FOXO3: variants seen among roughly 807,000 people sequenced by gnomAD.
FOXO3 encodes the protein forkhead box protein O3.
A neutral mutation model predicts 41.9 loss-of-function variants in FOXO3; 4 were observed. That is an observed-to-expected ratio of 0.10 (90% CI 0.05 to 0.22). The LOEUF (loss-of-function observed/expected upper bound fraction) is 0.22. Among genes scored for constraint, FOXO3 ranks in the 10% least tolerant of loss-of-function variants. FOXO3 has a pLI of 1.00. For missense variants in FOXO3, 534 were observed against 906.8 expected, an observed-to-expected ratio of 0.59 and a Z score of 5.28; for synonymous variants, 318 against 389.3, an observed-to-expected ratio of 0.82 and a Z score of 2.16.
rs185815807 is a variant in FOXO3, at chr6:108,593,974, C to T, written c.621+32145C>T. ...CCTCAGGTGATCTACCCGCCTCGGC[C>T]TCCCAAAGTCCTGGAATTACAGGTG... is the stretch of plus-strand genomic sequence containing the variant. On this transcript the variant is annotated intron_variant, in intron 1 of 2. Coordinates refer to ENST00000406360, the MANE Select transcript of FOXO3 (RefSeq NM_001455.4). 3.5e-3 allele frequency among the ~76,000 whole-genome samples: 537 copies of T among 152,174 alleles called. 2 individuals carry two copies. Among genetic ancestry groups the T allele is most frequent in the Non-Finnish European group, 5.9e-3 (401 of 68,014 alleles).
At chr6:108,614,812 A>G (rs1404051926) in intron 1 of FOXO3, among the ~76,000 whole-genome samples, 5 of 150,330 alleles carry the variant, frequency 3.3e-5, no homozygotes, top group Non-Finnish European at 5.9e-5. Context: ...TTAGTTTTCT[A>G]TTTGTCCCAT....
intron 1 of FOXO3, among the ~76,000 whole-genome samples, chr6:108,650,629 A>AT (rs965120071): frequency 6.6e-6 from 1 of 152,152 alleles, no homozygotes; most frequent in African/African-American, 2.4e-5. Flanking sequence ...AAAAACTATG[A>AT]TTTTATCTCA....
chr6:108,677,680 T>C (rs1469812678), intron 2 of FOXO3, among the ~76,000 whole-genome samples: 3 of 152,126 alleles, frequency 2.0e-5, no homozygotes, highest in African/African-American at 7.2e-5. Context: ...TGGATGGTGG[T>C]TTATTAAGTG....
intron 1 of FOXO3, among the ~76,000 whole-genome samples, chr6:108,643,236 A>G (rs1227812592): frequency 6.6e-6 from 1 of 152,166 alleles, no homozygotes; most frequent in South Asian, 2.1e-4. Context: ...TCATTCTTGT[A>G]ATTTTACTGT....
At chr6:108,641,464 G>A (rs1778255826) in intron 1 of FOXO3, among the ~76,000 whole-genome samples, 1 of 151,982 alleles carries the variant, frequency 6.6e-6, no homozygotes, top group African/African-American at 2.4e-5. Context: ...GAAAACCACT[G>A]GGTCAGATAA....
chr6:108,642,237 C>T (rs899305780), intron 1 of FOXO3, among the ~76,000 whole-genome samples: 1 of 151,946 alleles, frequency 6.6e-6, no homozygotes, highest in Non-Finnish European at 1.5e-5. Flanking sequence ...TATAGGCACG[C>T]ATTATCATGC....
intron 1 of FOXO3, among the ~76,000 whole-genome samples, chr6:108,575,348 T>G (rs1776233258): frequency 6.6e-6 from 1 of 151,006 alleles, no homozygotes; most frequent in Admixed American, 6.6e-5. Context: ...CCTTCCCCCC[T>G]TTTCTTCCTA....
rs542975041 is a variant in FOXO3 at position 108,594,925 on chromosome 6, T to C, written c.621+33096T>C. Among the ~76,000 whole-genome samples, 73 of 152,230 alleles carry C rather than the reference T, an allele frequency of 4.8e-4. 1 individual carries two copies. The highest frequency in any genetic ancestry group is 7.3e-4 in the Non-Finnish European group (50 of 68,032). On this transcript the variant is annotated intron_variant, in intron 1 of 2. Transcript: ENST00000406360. ...AGCTCTCCCTTCCTTTATGTGCTTA[T>C]GCAACCTTTTCAGCACGTTGGTACC...
Position 108,618,174 on chromosome 6 carries a change from G to T in FOXO3, c.622-45281G>T, listed in dbSNP as rs1193923547. On this transcript the variant is annotated intron_variant, in intron 1 of 2. Coordinates refer to ENST00000406360, the MANE Select transcript of FOXO3 (RefSeq NM_001455.4). ...TAGGCTTTCATTAGTTTACTAAGTGGTGTATGCCTCTTAATCTTAAACTGC... is the reference window on the plus strand; with the variant it reads ...TAGGCTTTCATTAGTTTACTAAGTGTTGTATGCCTCTTAATCTTAAACTGC... The T allele has an allele frequency of 2.7e-5, 27 of 999,100 alleles. No individual in the cohort carries two copies. The South Asian group carries it at 3.2e-4, about 12-fold the overall frequency. The allele number at this position is 999,100 out of a possible 1,614,324, so 61.9% of individuals were successfully genotyped here. A position where few individuals can be genotyped will look rare whatever the true frequency, so the allele number is the denominator to read the frequency against.
chr6:108,637,739 C>G (rs149088034), intron 1 of FOXO3, among the ~76,000 whole-genome samples: 40 of 152,138 alleles, frequency 2.6e-4, no homozygotes, highest in Non-Finnish European at 5.9e-5. Context: ...CCCTTTTGGT[C>G]TCTTCTCTAG....
At position 108,655,689 on chromosome 6, in the gene FOXO3, C is replaced by G. The variant is rs568548732; in HGVS notation, c.622-7766C>G. Reference sequence around the variant, plus strand: ...TTGAGGGCCTCTTCCAGAGAATTGCCTTTGAAAGATCCTGTCATTATACAC... The same window carrying G: ...TTGAGGGCCTCTTCCAGAGAATTGCGTTTGAAAGATCCTGTCATTATACAC... On this transcript the variant is annotated intron_variant, in intron 1 of 2. Transcript: ENST00000406360. Among the ~76,000 whole-genome samples, 3 of 152,290 alleles carry G rather than the reference C, an allele frequency of 2.0e-5. No individual in the cohort carries two copies. In the South Asian group the frequency reaches 6.2e-4, roughly 32 times the overall value.
At chr6:108,584,486 G>A (rs1235539664) in intron 1 of FOXO3, among the ~76,000 whole-genome samples, 1 of 152,168 alleles carries the variant, frequency 6.6e-6, no homozygotes, top group Non-Finnish European at 1.5e-5. Context: ...AGGGAGGTGG[G>A]AGTTGTCCAT....
intron 1 of FOXO3, among the ~76,000 whole-genome samples, chr6:108,583,545 CAGTCTT>C (rs1776489347): frequency 6.6e-6 from 1 of 152,292 alleles, no homozygotes; most frequent in South Asian, 2.1e-4. Context: ...GCAGTTTCAC[CAGTCTT>C]AATGCTGGGC....
intron 1 of FOXO3, among the ~76,000 whole-genome samples, chr6:108,569,462 G>C: frequency 6.6e-6 from 1 of 152,248 alleles, no homozygotes; most frequent in East Asian, 1.9e-4. Context: ...GGAAATGTCT[G>C]ATTGGAGTGT....
At chr6:108,570,500 T>G (rs569864257) in intron 1 of FOXO3, among the ~76,000 whole-genome samples, 2 of 151,878 alleles carry the variant, frequency 1.3e-5, no homozygotes, top group South Asian at 2.1e-4. Flanking sequence ...TAATTTTATG[T>G]TTTTTTTGTA....
At chr6:108,660,606 C>T (rs1778815770) in intron 1 of FOXO3, among the ~76,000 whole-genome samples, 1 of 152,208 alleles carries the variant, frequency 6.6e-6, no homozygotes, top group South Asian at 2.1e-4. Context: ...GTGGCTCATG[C>T]CTGTAATCCC....
chr6:108,670,215 T>C (rs569637740), intron 2 of FOXO3, among the ~76,000 whole-genome samples: 1 of 152,174 alleles, frequency 6.6e-6, no homozygotes, highest in East Asian at 1.9e-4. Flanking sequence ...AGACACATAT[T>C]TACTGGACTT....
intron 1 of FOXO3, among the ~76,000 whole-genome samples, chr6:108,653,211 G>A (rs1778592643): frequency 6.6e-6 from 1 of 152,188 alleles, no homozygotes; most frequent in Admixed American, 6.5e-5. Flanking sequence ...CACATCTCAT[G>A]TTAAAGTATA....
In FOXO3 at chr6:108,680,623, C is replaced by T. The variant is rs1266830416; in HGVS notation, c.*831C>T. ...TGTGATTTCCTGTCAGTGTCCTCAG[C>T]TAATGTGAACAGTGTTGGTCTGCTG... On this transcript the variant is annotated 3_prime_UTR_variant, in exon 3 of 3. Transcript: ENST00000406360. 6.6e-6 allele frequency: 1 copy of T among 152,458 alleles called. No homozygotes were observed. Among genetic ancestry groups the T allele is most frequent in the Non-Finnish European group, 1.5e-5 (1 of 68,040 alleles). 9.4% of individuals were successfully genotyped at this position (152,458 alleles called of 1,614,324 possible).
Sources: gnomAD v4.1 joint callset for allele counts (sites outside exome capture counted in the v4.1 genomes callset) on GRCh38, gnomAD v4.1.1 for gene constraint, MANE v1.5 for transcripts, NCBI Gene and HGNC (gene_info 2026-07-23, HGNC 2026-07-21) for gene names.